The following SLC2A3 variants were observed in gnomAD, a reference collection of about 807,000 sequenced individuals.
SLC2A3 encodes solute carrier family 2 member 3, also known as solute carrier family 2, facilitated glucose transporter member 3.
SLC2A3 carries 21 observed loss-of-function variants against 46.4 expected under a neutral mutation model. The ratio of observed to expected loss-of-function variants is 0.45; its 90% confidence interval spans 0.32 to 0.65. SLC2A3 has a LOEUF of 0.65. SLC2A3 is among the 30% of genes least tolerant of loss of function. The probability of loss-of-function intolerance (pLI) is 0.04; values close to 1 mark genes in which losing one functional copy is unlikely to be tolerated. For missense variants in SLC2A3, 499 were observed against 623.3 expected (o/e 0.80, Z 2.12); for synonymous variants, 213 against 239.4 (o/e 0.89, Z 1.02).
intron 5 of SLC2A3, 21 bp from the exon 6 acceptor site, chr12:7,929,892 G>A: frequency 6.2e-7 from 1 of 1,613,842 alleles, no homozygotes; most frequent in South Asian, 1.1e-5. Context: ...GAAGAAAGAG[G>A]AAAGGATAAA....
intron 4 of SLC2A3, 149 bp from the exon 5 acceptor site, chr12:7,930,791 G>GTT: frequency 1.2e-5 from 6 of 501,450 alleles, no homozygotes; most frequent in East Asian, 4.6e-5. Flanking sequence ...TACTCAGCAT[G>GTT]GTTTTTTTTT....
At chr12:7,930,712 A>C in intron 4 of SLC2A3, 70 bp from the exon 5 acceptor site, 2 of 1,469,186 alleles carry the variant, frequency 1.4e-6, no homozygotes, top group Non-Finnish European at 1.8e-6. Context: ...AAAACACAAA[A>C]AGTTCAGAAA....
rs775312183 is a variant in SLC2A3 at position 7,930,465 on chromosome 12, G to A, written c.673+15C>T. ...AACCATATAATTCATGTAGTAAGGTGTGAAGGATACTCACTCTGCTTAGCA... is the reference window on the plus strand; with the variant it reads ...AACCATATAATTCATGTAGTAAGGTATGAAGGATACTCACTCTGCTTAGCA... On this transcript the variant is annotated intron_variant, in intron 5 of 9. Coordinates refer to ENST00000075120, the MANE Select transcript of SLC2A3 (RefSeq NM_006931.3). 6.2e-7 allele frequency: 1 copy of A among 1,610,560 alleles called. No homozygotes were observed. The highest frequency in any genetic ancestry group is 1.1e-5 in the South Asian group (1 of 90,980).
rs1325156738 is a variant in SLC2A3, at chr12:7,930,798, T to C, written c.511-156A>G. The stretch of plus-strand genomic sequence containing the variant: ...CCTTTCTCTACTCAGCATGGTTTTT[T>C]TTTTTTTTTTTTTTTTGAGACGGAG... On this transcript the variant is annotated intron_variant, in intron 4 of 9. Transcript: ENST00000075120. Among the ~76,000 whole-genome samples, 4 of 143,356 alleles carry C rather than the reference T, an allele frequency of 2.8e-5. No homozygotes were observed. The East Asian group carries it at 8.0e-4, about 29-fold the overall frequency. 94.0% of individuals were successfully genotyped at this position (143,356 alleles called of 152,430 possible).
chr12:7,921,431 C>G lies in SLC2A3; in HGVS notation c.1473G>C (p.Glu491Asp). 2.5e-6 allele frequency: 4 copies of G among 1,614,036 alleles called. No homozygotes were observed. The highest frequency in any genetic ancestry group is 8.5e-7 in the Non-Finnish European group (1 of 1,179,924). ...GCACGACTTAGACATTGGTGGTGGT[C>G]TCCTTAGCAGGCTCGATGCTGTTCA... ...MEMNSIEPAK[E>D]TTTNV Residue 491 changes from glutamate to aspartate, a missense_variant, in exon 10 of 10, where the codon GAG becomes GAC. By Grantham distance (45) the Glu-to-Asp change is conservative (BLOSUM62 2). Coordinates refer to ENST00000075120, the MANE Select transcript of SLC2A3 (RefSeq NM_006931.3).
Position 7,921,473 on chromosome 12 carries a change from C to A in SLC2A3, c.1431G>T (p.Lys477Asn). ...GQAHGADRSG[K>N]DGVMEMNSIE... The stretch of plus-strand genomic sequence containing the variant: ...TGCTGTTCATCTCCATGACGCCGTC[C>A]TTTCCAGATCTATCTGCACCGTGTG... Residue 477 changes from lysine (K) to asparagine (N), a missense_variant, in exon 10 of 10, where the codon AAG becomes AAT. Physicochemically the swap from Lys to Asn is moderately conservative, Grantham distance 94. This residue lies in a region of SLC2A3 where 179 missense variants were observed against 205.1 expected (regional missense o/e 0.87). Transcript: ENST00000075120. 1 of 1,613,990 alleles carries A rather than the reference C, an allele frequency of 6.2e-7. No individual in the cohort carries two copies. Among genetic ancestry groups the A allele is most frequent in the Non-Finnish European group, 8.5e-7 (1 of 1,179,876 alleles).
At chr12:7,930,743 G>T in intron 4 of SLC2A3, 101 bp from the exon 5 acceptor site, 6 of 1,146,534 alleles carry the variant, frequency 5.2e-6, no homozygotes, top group South Asian at 1.9e-5. Flanking sequence ...CTTTTACCAT[G>T]TGAAAAAATA....
At chr12:7,923,345 A>AT in intron 8 of SLC2A3, 1 of 230,184 alleles carries the variant, frequency 4.3e-6, no homozygotes, top group Non-Finnish European at 8.5e-6. Flanking sequence ...ATTAAAAAAA[A>AT]ATTTTTTTTT....
chr12:7,928,198 G>C (rs1453588234), intron 6 of SLC2A3, among the ~76,000 whole-genome samples: 1 of 151,966 alleles, frequency 6.6e-6, no homozygotes, highest in Non-Finnish European at 1.5e-5. Context: ...AAGAGATCGA[G>C]ACCATCCTGG....
chr12:7,930,848 G>A (rs1045181182), intron 4 of SLC2A3, among the ~76,000 whole-genome samples: 3 of 132,700 alleles, frequency 2.3e-5, no homozygotes, highest in Admixed American at 1.8e-4. Context: ...CCAGGCTGGA[G>A]ATCAGTGGCA....
intron 2 of SLC2A3, 41 bp from the exon 3 acceptor site, chr12:7,933,188 G>C (rs758965028): frequency 1.2e-6 from 2 of 1,601,988 alleles, no homozygotes; most frequent in South Asian, 2.2e-5. Flanking sequence ...GACTGTTACA[G>C]TTGGATGAGA....
In SLC2A3 at chr12:7,921,433, C is replaced by T; in HGVS notation, c.1471G>A (p.Glu491Lys). 1 of 1,614,004 alleles carries T rather than the reference C, an allele frequency of 6.2e-7. No individual in the cohort carries two copies. Among genetic ancestry groups the T allele is most frequent in the Non-Finnish European group, 8.5e-7 (1 of 1,179,920 alleles). The change falls in exon 10 of 10, where the codon GAG becomes AAG. Residue 491 changes from glutamate (E) to lysine (K), a missense_variant. Coordinates refer to ENST00000075120, the MANE Select transcript of SLC2A3 (RefSeq NM_006931.3). ...MEMNSIEPAKETTTNV is the reference protein window; with the variant it reads ...MEMNSIEPAKKTTTNV ...ACGACTTAGACATTGGTGGTGGTCT[C>T]CTTAGCAGGCTCGATGCTGTTCATC...
chr12:7,931,204 A>C (rs377246799), intron 4 of SLC2A3, 41 bp downstream of exon 4: 5 of 1,608,936 alleles, frequency 3.1e-6, no homozygotes, highest in Non-Finnish European at 3.4e-6. Flanking sequence ...TTAATGACCC[A>C]TGAAACTAAC....
rs1215663280 is a variant in SLC2A3 at position 7,936,168 on chromosome 12, C to G, written c.-134G>C. 10 of 781,596 alleles carry G rather than the reference C, an allele frequency of 1.3e-5. No homozygotes were observed. The Admixed American group carries it at 1.8e-4, about 14-fold the overall frequency. The allele number at this position is 781,596 out of a possible 1,614,324, so 48.4% of individuals were successfully genotyped here. Reference sequence around the variant, plus strand: ...CACGTCCTCAGGAAGGATCCAAAGTCTTACCATTACAGCATCTCTGGGTCT... The same window carrying G: ...CACGTCCTCAGGAAGGATCCAAAGTGTTACCATTACAGCATCTCTGGGTCT... On this transcript the variant is annotated 5_prime_UTR_variant, in exon 1 of 10. Coordinates refer to ENST00000075120, the MANE Select transcript of SLC2A3 (RefSeq NM_006931.3).
chr12:7,923,631 T>G (rs1029786261), intron 8 of SLC2A3, among the ~76,000 whole-genome samples: 4 of 152,012 alleles, frequency 2.6e-5, no homozygotes, highest in Admixed American at 1.3e-4. Context: ...AAATTTTTTT[T>G]TGTTTTTTTG....
rs202197142 is a variant in SLC2A3, at chr12:7,921,483, C to G, written c.1421G>C (p.Arg474Thr). The stretch of plus-strand genomic sequence containing the variant: ...CTCCATGACGCCGTCCTTTCCAGAT[C>G]TATCTGCACCGTGTGCCTGCCCTTC... ...AFEGQAHGADRSGKDGVMEMN... is the reference protein window; with the variant it reads ...AFEGQAHGADTSGKDGVMEMN... Residue 474 changes from arginine to threonine, a missense_variant, in exon 10 of 10, where the codon AGA becomes ACA. This residue lies in a region of SLC2A3 where 179 missense variants were observed against 205.1 expected (regional missense o/e 0.87). Transcript: ENST00000075120. 2.0e-5 allele frequency: 32 copies of G among 1,613,964 alleles called. No individual in the cohort carries two copies. Among genetic ancestry groups the G allele is most frequent in the Non-Finnish European group, 2.6e-5 (31 of 1,179,868 alleles).
At chr12:7,921,713 C>T (rs1228104711) in intron 9 of SLC2A3, 82 bp from the exon 10 acceptor site, 2 of 1,412,318 alleles carry the variant, frequency 1.4e-6, no homozygotes, top group Non-Finnish European at 1.9e-6. Flanking sequence ...TTCATATTTC[C>T]AATAGGCTTC....
At position 7,936,186 on chromosome 12, in the gene SLC2A3, C is replaced by A; in HGVS notation, c.-152G>T. On this transcript the variant is annotated 5_prime_UTR_variant, in exon 1 of 10. Transcript: ENST00000075120. The stretch of plus-strand genomic sequence containing the variant: ...CCAAAGTCTTACCATTACAGCATCT[C>A]TGGGTCTCGCTGGGATCATGACTAT... 4.3e-6 allele frequency: 3 copies of A among 704,046 alleles called. No homozygotes were observed. The highest frequency in any genetic ancestry group is 1.5e-5 in the South Asian group (1 of 66,414). 43.6% of individuals were successfully genotyped at this position (704,046 alleles called of 1,614,324 possible). A position where few individuals can be genotyped will look rare whatever the true frequency, so the allele number is the denominator to read the frequency against.
At chr12:7,934,475 A>G (rs987413062) in intron 1 of SLC2A3, among the ~76,000 whole-genome samples, 1 of 151,196 alleles carries the variant, frequency 6.6e-6, no homozygotes, top group African/African-American at 2.5e-5. Context: ...TATTAAATAC[A>G]GTTCTGCTAT....
Sources: gnomAD v4.1 joint callset for allele counts (sites outside exome capture counted in the v4.1 genomes callset) on GRCh38, gnomAD v4.1.1 for gene constraint, gnomAD v4.1.1 regional missense constraint, MANE v1.5 for transcripts, NCBI Gene and HGNC (gene_info 2026-07-23, HGNC 2026-07-21) for gene names.